Variants in ZBTB7C observed in about 807,000 individuals in gnomAD.
ZBTB7C encodes zinc finger and BTB domain-containing protein 7C.
A neutral mutation model predicts 25.7 loss-of-function variants in ZBTB7C; 8 were observed. The observed-to-expected ratio is 0.31, with a 90% CI of 0.18 to 0.56. The LOEUF is 0.56. Among genes scored for constraint, ZBTB7C ranks in the 20% least tolerant of loss-of-function variants. The pLI is 0.91. For synonymous variants in ZBTB7C, 394 were observed against 369.0 expected, an observed-to-expected ratio of 1.07 and a Z score of -0.78; for missense variants, 824 against 855.2, an observed-to-expected ratio of 0.96 and a Z score of 0.46.
At chr18:48,277,746 G>A (rs181267353) in intron 2 of ZBTB7C, among the ~76,000 whole-genome samples, 21 of 152,188 alleles carry the variant, frequency 1.4e-4, no homozygotes, top group Non-Finnish European at 2.2e-4. Flanking sequence ...ACATTCCCTC[G>A]AGTGCTAAAT....
At chr18:48,153,690 T>C (rs2040747481) in intron 3 of ZBTB7C, among the ~76,000 whole-genome samples, 1 of 152,238 alleles carries the variant, frequency 6.6e-6, no homozygotes, top group Non-Finnish European at 1.5e-5. Context: ...GCCATAGGAC[T>C]GTGAATTGGT....
intron 3 of ZBTB7C, among the ~76,000 whole-genome samples, chr18:48,085,646 TC>T (rs2038165147): frequency 6.6e-6 from 1 of 152,212 alleles, no homozygotes; most frequent in South Asian, 2.1e-4. Flanking sequence ...TTAGAACAAT[TC>T]CTGGCTGGCA....
intron 1 of ZBTB7C, among the ~76,000 whole-genome samples, chr18:48,360,758 G>A (rs1172629092): frequency 2.0e-5 from 3 of 152,074 alleles, no homozygotes; most frequent in East Asian, 1.9e-4. Flanking sequence ...GTGTGGAGGA[G>A]CCCGAGGAAG....
intron 2 of ZBTB7C, among the ~76,000 whole-genome samples, chr18:48,201,363 G>C (rs1180929525): frequency 6.6e-6 from 1 of 152,158 alleles, no homozygotes; most frequent in South Asian, 2.1e-4. Context: ...TCCAGGGGAC[G>C]GTAGGCCCCA....
chr18:48,313,710 C>T (rs913731542), intron 2 of ZBTB7C, among the ~76,000 whole-genome samples: 7 of 152,160 alleles, frequency 4.6e-5, no homozygotes, highest in African/African-American at 1.7e-4. Context: ...ACAGAAGCCA[C>T]AGAATACAGA....
intron 3 of ZBTB7C, among the ~76,000 whole-genome samples, chr18:48,079,130 T>C (rs1266962631): frequency 6.6e-6 from 1 of 152,182 alleles, no homozygotes; most frequent in Non-Finnish European, 1.5e-5. Flanking sequence ...AAAGATCAAT[T>C]ATTCCAGTTT....
chr18:48,267,422 G>A (rs1260254780), intron 2 of ZBTB7C, among the ~76,000 whole-genome samples: 1 of 152,176 alleles, frequency 6.6e-6, no homozygotes. Context: ...TTTGCACAAA[G>A]GGAAATGCAT....
rs145610302 is a variant in ZBTB7C, at chr18:48,307,664, G to T, written c.-79+30510C>A. Among the ~76,000 whole-genome samples, 436 of 152,284 alleles carry T rather than the reference G, an allele frequency of 2.9e-3. 8 individuals carry two copies. The East Asian group carries it at 0.052, about 18-fold the overall frequency. On this transcript the variant is annotated intron_variant, in intron 2 of 4. Transcript: ENST00000590800. Reference sequence around the variant, plus strand: ...AGAGATCGAGACCATGCTGGCCAACGTGGTGAAACCCCGTCTCTAATAAAA... The same window carrying T: ...AGAGATCGAGACCATGCTGGCCAACTTGGTGAAACCCCGTCTCTAATAAAA...
chr18:48,040,642 C>G lies in ZBTB7C; in HGVS notation c.466G>C (p.Glu156Gln), dbSNP rs547336048. The change falls in exon 4 of 5, where the codon GAG (glutamate) becomes CAG (glutamine). Residue 156 changes from glutamate to glutamine, a missense_variant. This residue lies in a region of ZBTB7C where 316 missense variants were observed against 299.2 expected (regional missense o/e 1.06). Coordinates refer to ENST00000590800, the MANE Select transcript of ZBTB7C (RefSeq NM_001318841.2). ...EDDDDEEDEE[E>Q]EEEEEEDDDD... ...TCATCCTCCTCCTCTTCCTCCTCCT[C>G]CTCTTCGTCCTCCTCATCATCATCA... The G allele has an allele frequency of 4.3e-5, 70 of 1,613,550 alleles. 1 individual carries two copies. In the East Asian group the frequency reaches 1.3e-3, roughly 31 times the overall value.
intron 3 of ZBTB7C, among the ~76,000 whole-genome samples, chr18:48,084,752 CACCTCAGGACCTAGTAAG>C (rs2038127943): frequency 6.6e-6 from 1 of 152,218 alleles, no homozygotes; most frequent in Non-Finnish European, 1.5e-5. Context: ...GGGTCTCATG[CACCTCAGGACCTAGTAAG>C]TATGTTGAGT....
chr18:48,302,619 C>T (rs1264326305), intron 2 of ZBTB7C, among the ~76,000 whole-genome samples: 1 of 152,212 alleles, frequency 6.6e-6, no homozygotes, highest in Non-Finnish European at 1.5e-5. Context: ...GCCGGATCGA[C>T]GTCCACGCTC....
In ZBTB7C at chr18:48,330,734, G is replaced by A. The variant is rs367602030; in HGVS notation, c.-79+7440C>T. Among the ~76,000 whole-genome samples, 16 of 152,170 alleles carry A rather than the reference G, an allele frequency of 1.1e-4. 1 individual carries two copies. The East Asian group carries it at 1.9e-3, about 18-fold the overall frequency. On this transcript the variant is annotated intron_variant, in intron 2 of 4. Transcript: ENST00000590800. ...AGTAATCCCAGCCTTGCTGGGTCCT[G>A]GTGGGAAGAAGAAAAGGGGGTGGAG...
intron 3 of ZBTB7C, among the ~76,000 whole-genome samples, chr18:48,180,999 T>C (rs907713880): frequency 6.6e-5 from 10 of 152,228 alleles, no homozygotes; most frequent in African/African-American, 2.4e-4. Context: ...AACCTCACTG[T>C]TACTTTTCAC....
chr18:48,346,945 T>G (rs2046745394), intron 1 of ZBTB7C, among the ~76,000 whole-genome samples: 1 of 148,090 alleles, frequency 6.8e-6, no homozygotes, highest in Non-Finnish European at 1.5e-5. Flanking sequence ...CCACCACACC[T>G]GGCTAATTTT....
chr18:48,393,355 C>T (rs991202487), intron 1 of ZBTB7C, among the ~76,000 whole-genome samples: 1 of 151,366 alleles, frequency 6.6e-6, no homozygotes, highest in Non-Finnish European at 1.5e-5. Context: ...CGCACTTGCC[C>T]GGGCATGAAA....
At chr18:48,304,841 C>CAAAAAAAAAAA (rs35398428) in intron 2 of ZBTB7C, among the ~76,000 whole-genome samples, 4 of 90,336 alleles carry the variant, frequency 4.4e-5, no homozygotes, top group African/African-American at 1.3e-4. Context: ...GGCTCTACCT[C>CAAAAAAAAAAA]AAAAAAAAAA....
At chr18:48,088,937 C>G (rs35422601) in intron 3 of ZBTB7C, among the ~76,000 whole-genome samples, 29,436 of 151,940 alleles carry the variant, frequency 0.19, 3,040 homozygotes, top group Admixed American at 0.26. Context: ...AGAATTTGAC[C>G]TTAATTTGGT....
chr18:48,052,826 C>T (rs1156306283), intron 3 of ZBTB7C, among the ~76,000 whole-genome samples: 2 of 152,140 alleles, frequency 1.3e-5, no homozygotes, highest in Non-Finnish European at 2.9e-5. Context: ...TCCCTTGCTG[C>T]CCACACATGA....
chr18:48,389,220 CTCTCTCTCTCTCTCTCGTGTGTGT>C (rs1389819470), intron 1 of ZBTB7C, among the ~76,000 whole-genome samples: 26 of 126,972 alleles, frequency 2.0e-4, no homozygotes, highest in Non-Finnish European at 3.4e-4. Context: ...CTCTCTCTCT[CTCTCTCTCTCTCTCTCGTGTGTGT>C]GTGTGTGTGT....
Sources: gnomAD v4.1 joint callset for allele counts (sites outside exome capture counted in the v4.1 genomes callset) on GRCh38, gnomAD v4.1.1 for gene constraint, gnomAD v4.1.1 regional missense constraint, MANE v1.5 for transcripts, NCBI Gene and HGNC (gene_info 2026-07-23, HGNC 2026-07-21) for gene names.